Variants in SPIRE2 observed in about 807,000 individuals in gnomAD.
SPIRE2 encodes the protein spire type actin nucleation factor 2, also known as protein spire homolog 2.
Under a neutral mutation model 80.7 loss-of-function variants are expected in SPIRE2, and 76 were observed. That is an observed-to-expected ratio of 0.94 (90% CI 0.78 to 1.14). SPIRE2 has a LOEUF of 1.14. SPIRE2 is among the 50% of genes most tolerant of loss of function. The probability of loss-of-function intolerance (pLI) is 0.00; values close to 1 mark genes in which losing one functional copy is unlikely to be tolerated. For missense variants in SPIRE2, 1,196 were observed against 1,015.3 expected (o/e 1.18, Z -2.42); for synonymous variants, 535 against 432.6 (o/e 1.24, Z -2.94).
At chr16:89,831,925 C>T (rs2041388172) in intron 1 of SPIRE2, among the ~76,000 whole-genome samples, 1 of 139,300 alleles carries the variant, frequency 7.2e-6, no homozygotes, top group African/African-American at 2.5e-5. Flanking sequence ...CATCTCGCGG[C>T]CTGTGTTCTA....
Position 89,828,832 on chromosome 16 carries a change from T to C in SPIRE2, c.244+38T>C, listed in dbSNP as rs2041351748. 8.5e-7 allele frequency: 1 copy of C among 1,170,168 alleles called. No homozygotes were observed. Among genetic ancestry groups the C allele is most frequent in the African/African-American group, 1.6e-5 (1 of 61,968 alleles). 72.5% of individuals were successfully genotyped at this position (1,170,168 alleles called of 1,614,324 possible). On this transcript the variant is annotated intron_variant, in intron 1 of 14. Transcript: ENST00000378247. The surrounding 1 kb of genome is among the most constrained non-coding windows in gnomAD (Gnocchi z 5.9). ...GCGGGGCAGCCGGCGGGGACCGCGGTCTGGGGCGTCCGTCCCGCCCCCTGG... is the reference window on the plus strand; with the variant it reads ...GCGGGGCAGCCGGCGGGGACCGCGGCCTGGGGCGTCCGTCCCGCCCCCTGG...
At chr16:89,845,200 C>G in intron 1 of SPIRE2, 122 bp from the exon 2 acceptor site, 1 of 890,058 alleles carries the variant, frequency 1.1e-6, no homozygotes. Flanking sequence ...TGTGAGCTTT[C>G]TGGTGTTCCG....
At position 89,850,569 on chromosome 16, in the gene SPIRE2, C is replaced by T. The variant is rs1474207250; in HGVS notation, c.554C>T (p.Ala185Val). ...CAARLTDPRG[A>V]QAHYQAVCRA... is the part of the protein sequence containing the mutation. ...GCGCGGCTGACCGACCCCCGGGGCG[C>T]ACAGGCGCATTACCAGGCCGTGTGC... Residue 185 changes from alanine to valine, a missense_variant, in exon 3 of 15, where the codon GCA becomes GTA. By Grantham distance (64) the Ala-to-Val change is moderately conservative (BLOSUM62 0). Transcript: ENST00000378247. The T allele has an allele frequency of 2.6e-6, 4 of 1,516,214 alleles. No homozygotes were observed. The highest frequency in any genetic ancestry group is 3.5e-6 in the Non-Finnish European group (4 of 1,136,846). 93.9% of individuals were successfully genotyped at this position (1,516,214 alleles called of 1,614,324 possible).
In SPIRE2 at chr16:89,845,370, T is replaced by G. The variant is rs772170909; in HGVS notation, c.288+5T>G. 1 of 1,613,148 alleles carries G rather than the reference T, an allele frequency of 6.2e-7. No individual in the cohort carries two copies. Among genetic ancestry groups the G allele is most frequent in the Non-Finnish European group, 8.5e-7 (1 of 1,179,070 alleles). On this transcript the variant is annotated splice_donor_5th_base_variant and intron_variant, in intron 2 of 14. Transcript: ENST00000378247. Reference sequence around the variant, plus strand: ...CTAGCCAGCTCGGAAGCCCAGGTACTTTTTAAAAAATTCCAAGTATTACTT... The same window carrying G: ...CTAGCCAGCTCGGAAGCCCAGGTACGTTTTAAAAAATTCCAAGTATTACTT...
In SPIRE2 at chr16:89,828,563, G is replaced by A; in HGVS notation, c.13G>A (p.Gly5Ser). The A allele has an allele frequency of 1.8e-6, 2 of 1,140,730 alleles. No individual in the cohort carries two copies. Among genetic ancestry groups the A allele is most frequent in the Non-Finnish European group, 1.1e-6 (1 of 933,722 alleles). The allele number at this position is 1,140,730 out of a possible 1,614,324, so 70.7% of individuals were successfully genotyped here. A position where few individuals can be genotyped will look rare whatever the true frequency, so the allele number is the denominator to read the frequency against. Residue 5 changes from glycine to serine, a missense_variant, in exon 1 of 15, where the codon GGC becomes AGC. Physicochemically the swap from Gly to Ser is moderately conservative, Grantham distance 56. Coordinates refer to ENST00000378247, the MANE Select transcript of SPIRE2 (RefSeq NM_032451.2). The surrounding 1 kb of genome is among the most constrained non-coding windows in gnomAD (Gnocchi z 5.9). MARA[G>S]SCGGAAAGAG... ...TGACGGCCCCGCCATGGCCCGGGCG[G>A]GCAGCTGCGGCGGCGCCGCGGCGGG...
At chr16:89,852,152 C>T (rs2041635905) in intron 3 of SPIRE2, among the ~76,000 whole-genome samples, 1 of 19,010 alleles carries the variant, frequency 5.3e-5, no homozygotes, top group African/African-American at 2.6e-4. Context: ...CCCCAGATCC[C>T]ATGGCCCATC....
intron 12 of SPIRE2, among the ~76,000 whole-genome samples, chr16:89,865,330 C>T (rs924299452): frequency 3.9e-5 from 6 of 152,056 alleles, no homozygotes; most frequent in African/African-American, 1.4e-4. Flanking sequence ...TTAAGGTTCA[C>T]TATGGTAAGG....
Position 89,870,457 on chromosome 16 carries a change from A to C in SPIRE2, c.*185A>C. ...CATTTGGGTTCAGGCGCACTTCAAA[A>C]CCCTCCCTGGGGGAGGCTGTTTCTT... is the stretch of plus-strand genomic sequence containing the variant. On this transcript the variant is annotated 3_prime_UTR_variant, in exon 15 of 15. Coordinates refer to ENST00000378247, the MANE Select transcript of SPIRE2 (RefSeq NM_032451.2). The C allele has an allele frequency of 1.2e-5, 6 of 512,614 alleles. No individual in the cohort carries two copies. The highest frequency in any genetic ancestry group is 2.1e-5 in the Non-Finnish European group (6 of 286,850). 31.8% of individuals were successfully genotyped at this position (512,614 alleles called of 1,614,324 possible). A position where few individuals can be genotyped will look rare whatever the true frequency, so the allele number is the denominator to read the frequency against.
chr16:89,841,802 G>A (rs1363391494), intron 1 of SPIRE2, among the ~76,000 whole-genome samples: 2 of 151,672 alleles, frequency 1.3e-5, no homozygotes, highest in African/African-American at 4.8e-5. Context: ...GGTTCAAGCC[G>A]TTCTCTTGCC....
chr16:89,860,979 C>T (rs1431225292), intron 10 of SPIRE2, among the ~76,000 whole-genome samples, 184 bp downstream of exon 10: 4 of 152,114 alleles, frequency 2.6e-5, no homozygotes, highest in Non-Finnish European at 4.4e-5. Context: ...GGTCTGGGGC[C>T]GTGGTCTCTG....
Position 89,854,435 on chromosome 16 carries a change from G to A in SPIRE2, c.727-52G>A, listed in dbSNP as rs2041667835. The A allele has an allele frequency of 4.3e-6, 7 of 1,610,434 alleles. No individual in the cohort carries two copies. In the South Asian group the frequency reaches 6.6e-5, roughly 15 times the overall value. On this transcript the variant is annotated intron_variant, in intron 4 of 14. Coordinates refer to ENST00000378247, the MANE Select transcript of SPIRE2 (RefSeq NM_032451.2). Reference sequence around the variant, plus strand: ...CCTGCCAAGGGTCTCTGCCTGGGGGGCCGTGGAGCTTCACCTGGGGCTGAG... The same window carrying A: ...CCTGCCAAGGGTCTCTGCCTGGGGGACCGTGGAGCTTCACCTGGGGCTGAG...
rs1355468248 is a variant in SPIRE2, at chr16:89,850,598, G to C, written c.583G>C (p.Ala195Pro). The C allele has an allele frequency of 6.6e-7, 1 of 1,519,758 alleles. No individual in the cohort carries two copies. Among genetic ancestry groups the C allele is most frequent in the Non-Finnish European group, 8.8e-7 (1 of 1,139,350 alleles). 94.1% of individuals were successfully genotyped at this position (1,519,758 alleles called of 1,614,324 possible). A position where few individuals can be genotyped will look rare whatever the true frequency, so the allele number is the denominator to read the frequency against. ...AQAHYQAVCR[A>P]LFVETLELRA... ...GGCGCATTACCAGGCCGTGTGCCGC[G>C]CGCTCTTCGTGGAGACGCTGGAGCT... The change falls in exon 3 of 15, where the codon GCG becomes CCG. Residue 195 changes from alanine (A) to proline (P), a missense_variant. Transcript: ENST00000378247.
intron 1 of SPIRE2, among the ~76,000 whole-genome samples, chr16:89,842,536 C>T (rs961840018): frequency 6.6e-6 from 1 of 152,166 alleles, no homozygotes; most frequent in African/African-American, 2.4e-5. Context: ...TTTGATACAA[C>T]TTTTTTTGTT....
At position 89,849,379 on chromosome 16, in the gene SPIRE2, G is replaced by A. The variant is rs1269764839; in HGVS notation, c.289-925G>A. Among the ~76,000 whole-genome samples the A allele has an allele frequency of 3.9e-5, 6 of 152,366 alleles. No individual in the cohort carries two copies. In the South Asian group the frequency reaches 6.2e-4, roughly 16 times the overall value. ...TCCATGCCTCCGTCCCTGTCCCCAC[G>A]TCAGTGTGGCTCGAGGTGAGGTTGG... On this transcript the variant is annotated intron_variant, in intron 2 of 14. Transcript: ENST00000378247.
chr16:89,868,195 C>G lies in SPIRE2; in HGVS notation c.1785C>G (p.Val595=), dbSNP rs1392801805. ...PPSCLFCKRA[V]CTSCSIKMKM... The stretch of plus-strand genomic sequence containing the variant: ...TTCCTCTGTTCCCTTCCAGAGCCGT[C>G]TGCACTTCCTGTAGCATAAAGGTGA... Residue 595 remains valine (V), a synonymous_variant, in exon 13 of 15, where the codon GTC becomes GTG. Transcript: ENST00000378247. 4.3e-6 allele frequency: 7 copies of G among 1,613,976 alleles called. No homozygotes were observed. Among genetic ancestry groups the G allele is most frequent in the East Asian group, 4.5e-5 (2 of 44,900 alleles).
chr16:89,833,870 G>T (rs1055080835), intron 1 of SPIRE2, among the ~76,000 whole-genome samples: 1 of 152,166 alleles, frequency 6.6e-6, no homozygotes, highest in Non-Finnish European at 1.5e-5. Context: ...GACGTAAAAT[G>T]ACCTCTATCC....
At chr16:89,859,670 G>C (rs1395663048) in intron 9 of SPIRE2, among the ~76,000 whole-genome samples, 7 of 152,184 alleles carry the variant, frequency 4.6e-5, no homozygotes, top group Admixed American at 3.9e-4. Flanking sequence ...GACCCTTCTA[G>C]TCCTCTGGGA....
In SPIRE2 at chr16:89,869,690, C is replaced by G. The variant is rs758768698; in HGVS notation, c.1922+8C>G. On this transcript the variant is annotated splice_region_variant and intron_variant, in intron 14 of 14. Transcript: ENST00000378247. ...GAGAAGAGACATCTTTCAGTGCGTT[C>G]TTCGCCTTGCTGCTGATGTCACTGT... The G allele has an allele frequency of 3.1e-6, 5 of 1,600,064 alleles. No individual in the cohort carries two copies. The South Asian group carries it at 5.5e-5, about 18-fold the overall frequency.
At chr16:89,856,784 G>A (rs2033906218) in intron 7 of SPIRE2, among the ~76,000 whole-genome samples, 2 of 151,900 alleles carry the variant, frequency 1.3e-5, no homozygotes, top group South Asian at 4.1e-4. Context: ...ATGAGGCTGG[G>A]CTCAGTAGCT....
Sources: gnomAD v4.1 joint callset for allele counts (sites outside exome capture counted in the v4.1 genomes callset) on GRCh38, gnomAD v4.1.1 for gene constraint, Gnocchi (gnomAD v3.1) non-coding constraint, MANE v1.5 for transcripts, NCBI Gene and HGNC (gene_info 2026-07-23, HGNC 2026-07-21) for gene names.